HPSE2: variants seen among roughly 807,000 people sequenced by gnomAD.
HPSE2 encodes heparanase 2 (inactive).
A neutral mutation model predicts 60.5 loss-of-function variants in HPSE2; 38 were observed. The observed-to-expected ratio is 0.63, with a 90% CI of 0.48 to 0.82. The LOEUF is 0.82. HPSE2 is among the 40% of genes least tolerant of loss of function. HPSE2 has a pLI of 0.00. For missense variants in HPSE2, 713 were observed against 740.4 expected (o/e 0.96, Z 0.43); for synonymous variants, 295 against 293.2 (o/e 1.01, Z -0.06).
chr10:98,591,901 C>T (rs1945102178), intron 9 of HPSE2, among the ~76,000 whole-genome samples: 1 of 152,068 alleles, frequency 6.6e-6, no homozygotes, highest in Non-Finnish European at 1.5e-5. Context: ...GGCTTATTGG[C>T]CTATTTGGAT....
intron 3 of HPSE2, among the ~76,000 whole-genome samples, chr10:99,072,358 C>G (rs1335238119): frequency 6.6e-6 from 1 of 151,198 alleles, no homozygotes; most frequent in African/African-American, 2.4e-5. Flanking sequence ...TCAGAGCAAA[C>G]AGGCAACCTA....
chr10:98,490,132 G>C lies in HPSE2; in HGVS notation c.1385C>G (p.Ala462Gly). ...AGGCCGTGGCTTCCGCTGGAGCCCA[G>C]CCACATGCACAGCCAAGACTTTGGG... ...IGPKVLAVHV[A>G]GLQRKPRPGR... is the part of the protein sequence containing the mutation. The change falls in exon 10 of 12, where the codon GCT (alanine) becomes GGT (glycine). Residue 462 changes from alanine to glycine, a missense_variant. Physicochemically the swap from Ala to Gly is moderately conservative, Grantham distance 60 (BLOSUM62 0). Coordinates refer to ENST00000370552, the MANE Select transcript of HPSE2 (RefSeq NM_021828.5). The C allele has an allele frequency of 1.2e-6, 2 of 1,614,220 alleles. No homozygotes were observed. The highest frequency in any genetic ancestry group is 2.2e-5 in the East Asian group (1 of 44,888).
intron 3 of HPSE2, among the ~76,000 whole-genome samples, chr10:98,824,145 C>T (rs140575028): frequency 2.0e-5 from 3 of 152,118 alleles, no homozygotes; most frequent in Non-Finnish European, 4.4e-5. Flanking sequence ...AGAGTGTATA[C>T]TGTATGATTC....
chr10:99,192,443 T>C (rs1366150188), intron 2 of HPSE2, among the ~76,000 whole-genome samples: 4 of 152,108 alleles, frequency 2.6e-5, no homozygotes, highest in South Asian at 2.1e-4. Flanking sequence ...AAGAGTAGCA[T>C]GACTTTTTTT....
Position 99,235,701 on chromosome 10 carries a change from A to T in HPSE2, c.102T>A (p.His34Gln). 1.2e-6 allele frequency: 2 copies of T among 1,613,980 alleles called. No individual in the cohort carries two copies. Among genetic ancestry groups the T allele is most frequent in the Non-Finnish European group, 1.7e-6 (2 of 1,180,002 alleles). The change falls in exon 1 of 12, where the codon CAT (histidine) becomes CAA (glutamine). Residue 34 changes from histidine (H) to glutamine (Q), a missense_variant. His to Gln is a conservative substitution (Grantham distance 24, BLOSUM62 0). Coordinates refer to ENST00000370552, the MANE Select transcript of HPSE2 (RefSeq NM_021828.5). ...PGALYLALLL[H>Q]LSLSSQAGDR... ...CTCCAGCCTGGGAGGAAAGGGAGAG[A>T]TGGAGCAACAGAGCCAAGTAGAGAG...
At chr10:99,038,928 A>C (rs1194990975) in intron 3 of HPSE2, among the ~76,000 whole-genome samples, 1 of 152,202 alleles carries the variant, frequency 6.6e-6, no homozygotes, top group Non-Finnish European at 1.5e-5. Context: ...AGTTGAAAAG[A>C]AATCAACTAA....
intron 3 of HPSE2, among the ~76,000 whole-genome samples, chr10:98,776,239 C>A (rs1210138408): frequency 6.7e-6 from 1 of 149,678 alleles, no homozygotes; most frequent in Non-Finnish European, 1.5e-5. Context: ...TTGAGACCAG[C>A]CTGACCAACA....
chr10:99,097,727 T>C (rs549251220), intron 3 of HPSE2, among the ~76,000 whole-genome samples: 2 of 152,342 alleles, frequency 1.3e-5, no homozygotes, highest in Admixed American at 1.3e-4. Context: ...GTACTTCTAA[T>C]GTAACTTATT....
At chr10:98,939,119 C>T (rs1954905954) in intron 3 of HPSE2, among the ~76,000 whole-genome samples, 1 of 143,748 alleles carries the variant, frequency 7.0e-6, no homozygotes, top group Non-Finnish European at 1.5e-5. Context: ...CAGTTCCAGC[C>T]ACTGCAAAAT....
At chr10:98,711,020 C>G (rs1338367877) in intron 5 of HPSE2, among the ~76,000 whole-genome samples, 1 of 151,908 alleles carries the variant, frequency 6.6e-6, no homozygotes, top group African/African-American at 2.4e-5. Context: ...GAGAGAATAA[C>G]ACATATAGGA....
chr10:98,592,803 C>G (rs556815286), intron 9 of HPSE2, among the ~76,000 whole-genome samples: 4 of 152,274 alleles, frequency 2.6e-5, no homozygotes, highest in East Asian at 3.9e-4. Context: ...TGGAACTCTA[C>G]CCAGGTGCTT....
chr10:98,986,670 C>T (rs1424078196), intron 3 of HPSE2, among the ~76,000 whole-genome samples: 2 of 113,766 alleles, frequency 1.8e-5, no homozygotes, highest in East Asian at 3.1e-4. Context: ...AATAGAGACA[C>T]AAAAAACCCT....
intron 6 of HPSE2, among the ~76,000 whole-genome samples, chr10:98,682,406 T>C (rs1002453474): frequency 2.6e-5 from 4 of 152,210 alleles, no homozygotes; most frequent in Admixed American, 6.5e-5. Flanking sequence ...TTTATGGCAA[T>C]ATAAGAACAG....
At chr10:99,269,963 G>A in the HPSE2 span, among the ~76,000 whole-genome samples, 1 of 152,176 alleles carries the variant, frequency 6.6e-6, no homozygotes, top group African/African-American at 2.4e-5. Context: ...CAAAACCTCT[G>A]GGATACTGCA....
At chr10:98,981,507 A>G (rs1956206020) in intron 3 of HPSE2, among the ~76,000 whole-genome samples, 1 of 152,176 alleles carries the variant, frequency 6.6e-6, no homozygotes, top group African/African-American at 2.4e-5. Context: ...ACATTTATGA[A>G]AAGTTGGCAT....
At chr10:99,053,357 C>T (rs1433963009) in intron 3 of HPSE2, among the ~76,000 whole-genome samples, 1 of 147,924 alleles carries the variant, frequency 6.8e-6, no homozygotes, top group Admixed American at 7.0e-5. Context: ...AGAGCAACCA[C>T]TAAAAAACAG....
At chr10:99,053,358 T>TA (rs1388683213) in intron 3 of HPSE2, among the ~76,000 whole-genome samples, 2 of 147,858 alleles carry the variant, frequency 1.4e-5, no homozygotes, top group African/African-American at 2.4e-5. Flanking sequence ...GAGCAACCAC[T>TA]AAAAAACAGT....
intron 10 of HPSE2, among the ~76,000 whole-genome samples, chr10:98,483,788 C>G (rs1222577633): frequency 5.3e-5 from 8 of 152,166 alleles, no homozygotes; most frequent in African/African-American, 1.9e-4. Context: ...GGCAGAGGTA[C>G]AGTTGAGCCA....
chr10:98,641,925 G>C lies in HPSE2; in HGVS notation c.1020C>G (p.Gly340=), dbSNP rs1039537454. 1 of 1,612,952 alleles carries C rather than the reference G, an allele frequency of 6.2e-7. No individual in the cohort carries two copies. The highest frequency in any genetic ancestry group is 1.3e-5 in the African/African-American group (1 of 74,834). The change falls in exon 7 of 12, where the codon GGC becomes GGG. Residue 340 remains glycine, a synonymous_variant. Coordinates refer to ENST00000370552, the MANE Select transcript of HPSE2 (RefSeq NM_021828.5). The part of the protein sequence containing the change: ...AVTWQHCYID[G]RVVKVMDFLK... The stretch of plus-strand genomic sequence containing the variant: ...GGAAGTCCATCACCTTGACCACCCG[G>C]CCATCAATGTAGCAACTGGAATAAA...
Sources: allele counts gnomAD v4.1 joint callset (sites outside exome capture counted in the v4.1 genomes callset), GRCh38; gene constraint gnomAD v4.1.1; transcripts MANE v1.5; gene names NCBI Gene and HGNC (gene_info 2026-07-23, HGNC 2026-07-21).